The following RBM47 variants were observed in gnomAD, a reference collection of about 807,000 sequenced individuals.
RBM47 encodes the protein RNA-binding protein 47.
RBM47 carries 21 observed loss-of-function variants against 47.1 expected under a neutral mutation model. That is an observed-to-expected ratio of 0.45 (90% CI 0.32 to 0.64). The LOEUF (loss-of-function observed/expected upper bound fraction) is 0.64. Among genes scored for constraint, RBM47 ranks in the 30% least tolerant of loss-of-function variants. The pLI, the probability that RBM47 is intolerant of heterozygous loss-of-function variation, is 0.05. For missense variants in RBM47, 708 were observed against 870.9 expected, an observed-to-expected ratio of 0.81 and a Z score of 2.35; for synonymous variants, 375 against 361.7, an observed-to-expected ratio of 1.04 and a Z score of -0.42.
chr4:40,626,343 T>A (rs1243948736), intron 1 of RBM47, among the ~76,000 whole-genome samples: 1 of 152,188 alleles, frequency 6.6e-6, no homozygotes. Context: ...TACTTTTGGT[T>A]TTACCAAGAG....
intron 2 of RBM47, among the ~76,000 whole-genome samples, chr4:40,474,882 A>G (rs1253582277): frequency 6.6e-6 from 1 of 152,204 alleles, no homozygotes; most frequent in Non-Finnish European, 1.5e-5. Context: ...TCATAATGAG[A>G]AGGGAGAAGG....
intron 3 of RBM47, among the ~76,000 whole-genome samples, chr4:40,442,434 T>G (rs1713801047): frequency 6.6e-6 from 1 of 152,128 alleles, no homozygotes; most frequent in Non-Finnish European, 1.5e-5. Context: ...GAATATAAAA[T>G]GGTACAGCCG....
At chr4:40,621,684 T>C (rs1452147661) in intron 1 of RBM47, among the ~76,000 whole-genome samples, 1 of 152,214 alleles carries the variant, frequency 6.6e-6, no homozygotes, top group Admixed American at 6.5e-5. Flanking sequence ...AACAATATAG[T>C]AACATAAGTC....
At position 40,628,179 on chromosome 4, in the gene RBM47, T is replaced by TA. The variant is rs1371251966; in HGVS notation, c.-240+1216dup. ...TTAAGTCAAAGAGGCCAACAGTGTG[T>TA]ATATCAGAACAAGGTGAAGGGTAAA... On this transcript the variant is annotated intron_variant, in intron 1 of 6. Coordinates refer to ENST00000295971, the MANE Select transcript of RBM47 (RefSeq NM_001098634.2). The surrounding 1 kb of genome is among the most constrained non-coding windows in gnomAD (Gnocchi z 4.0). 2.0e-5 allele frequency among the ~76,000 whole-genome samples: 3 copies of TA among 152,172 alleles called. No homozygotes were observed. The highest frequency in any genetic ancestry group is 4.4e-5 in the Non-Finnish European group (3 of 68,034).
intron 2 of RBM47, among the ~76,000 whole-genome samples, chr4:40,541,811 G>A (rs1035355839): frequency 1.3e-5 from 2 of 152,102 alleles, no homozygotes; most frequent in African/African-American, 2.4e-5. Flanking sequence ...AATCTCACAC[G>A]TTCAAAGCAC....
At chr4:40,460,708 C>T in intron 3 of RBM47, among the ~76,000 whole-genome samples, 1 of 151,676 alleles carries the variant, frequency 6.6e-6, no homozygotes, top group Non-Finnish European at 1.5e-5. Context: ...GCCCACATAG[C>T]AAAACCCCAT....
intron 3 of RBM47, among the ~76,000 whole-genome samples, chr4:40,459,316 A>G (rs1420459422): frequency 6.6e-6 from 1 of 152,242 alleles, no homozygotes; most frequent in Non-Finnish European, 1.5e-5. Context: ...TGCAAGAAAC[A>G]TGGTAGGACA....
chr4:40,571,338 G>A (rs1731685882), intron 1 of RBM47, among the ~76,000 whole-genome samples: 1 of 152,006 alleles, frequency 6.6e-6, no homozygotes, highest in Non-Finnish European at 1.5e-5. Flanking sequence ...TGATAAAAGA[G>A]GTGTATCATA....
At chr4:40,519,211 TA>T (rs1326934320) in intron 2 of RBM47, among the ~76,000 whole-genome samples, 2 of 150,598 alleles carry the variant, frequency 1.3e-5, no homozygotes, top group African/African-American at 4.9e-5. Context: ...ATCTTGTCCT[TA>T]AAAAAAATAA....
intron 3 of RBM47, among the ~76,000 whole-genome samples, chr4:40,463,855 A>C (rs1717544602): frequency 6.6e-6 from 1 of 152,066 alleles, no homozygotes; most frequent in South Asian, 2.1e-4. Flanking sequence ...TAAATTGGTA[A>C]TACAGTTTTT....
chr4:40,524,549 T>C (rs1453943577), intron 2 of RBM47, among the ~76,000 whole-genome samples: 1 of 152,218 alleles, frequency 6.6e-6, no homozygotes, highest in Non-Finnish European at 1.5e-5. Flanking sequence ...GTGCCGTGTG[T>C]GTCAAGGAAT....
At chr4:40,459,519 T>C (rs1193563691) in intron 3 of RBM47, among the ~76,000 whole-genome samples, 1 of 152,084 alleles carries the variant, frequency 6.6e-6, no homozygotes, top group Non-Finnish European at 1.5e-5. Context: ...TGAGCTATGA[T>C]TGTGCCACTG....
chr4:40,485,893 G>A (rs1243656337), intron 2 of RBM47, among the ~76,000 whole-genome samples: 5 of 144,956 alleles, frequency 3.4e-5, no homozygotes, highest in Non-Finnish European at 6.0e-5. Flanking sequence ...AAGGCCATCT[G>A]TGTAAAAAAA....
intron 2 of RBM47, among the ~76,000 whole-genome samples, chr4:40,484,151 T>C (rs1034383330): frequency 2.0e-5 from 3 of 152,344 alleles, no homozygotes; most frequent in Middle Eastern, 6.8e-3. Context: ...TTTCTACTGA[T>C]ATTATAGTAA....
intron 1 of RBM47, among the ~76,000 whole-genome samples, chr4:40,617,822 C>T (rs1402064449): frequency 6.6e-6 from 1 of 150,620 alleles, no homozygotes; most frequent in African/African-American, 2.4e-5. Context: ...ATTACAGTTT[C>T]CTATACACCC....
At chr4:40,458,548 A>C (rs965065028) in intron 3 of RBM47, among the ~76,000 whole-genome samples, 2 of 152,238 alleles carry the variant, frequency 1.3e-5, no homozygotes, top group Non-Finnish European at 2.9e-5. Context: ...GGAAGCTAAA[A>C]ATATTTTCAA....
At chr4:40,541,934 G>A (rs1018437313) in intron 2 of RBM47, among the ~76,000 whole-genome samples, 4 of 152,092 alleles carry the variant, frequency 2.6e-5, no homozygotes, top group Admixed American at 1.3e-4. Flanking sequence ...TGACTATGTC[G>A]ATGATCACCT....
chr4:40,609,945 A>G (rs376129424), intron 1 of RBM47, among the ~76,000 whole-genome samples: 2 of 152,014 alleles, frequency 1.3e-5, no homozygotes, highest in Non-Finnish European at 1.5e-5. Flanking sequence ...ATACAAAATT[A>G]GCCGGGTGTG....
intron 3 of RBM47, among the ~76,000 whole-genome samples, chr4:40,462,895 T>C (rs1364615466): frequency 1.3e-5 from 2 of 152,174 alleles, no homozygotes; most frequent in Admixed American, 1.3e-4. Flanking sequence ...GATTTGGCAA[T>C]GATTTTTTGG....
Sources: gnomAD v4.1 joint callset for allele counts (sites outside exome capture counted in the v4.1 genomes callset) on GRCh38, gnomAD v4.1.1 for gene constraint, Gnocchi (gnomAD v3.1) non-coding constraint, MANE v1.5 for transcripts, NCBI Gene and HGNC (gene_info 2026-07-23, HGNC 2026-07-21) for gene names.